TTC27: variants seen among roughly 807,000 people sequenced by gnomAD.
TTC27 encodes tetratricopeptide repeat protein 27.
TTC27 carries 79 observed loss-of-function variants against 115.9 expected under a neutral mutation model. The ratio of observed to expected loss-of-function variants is 0.68; its 90% CI spans 0.57 to 0.82. TTC27 has a LOEUF of 0.82. TTC27 is among the 40% of genes least tolerant of loss of function. The pLI is 0.00. For synonymous variants in TTC27, 401 were observed against 356.0 expected, an observed-to-expected ratio of 1.13 and a Z score of -1.42; for missense variants, 1,054 against 993.1, an observed-to-expected ratio of 1.06 and a Z score of -0.82.
intron 10 of TTC27, among the ~76,000 whole-genome samples, chr2:32,724,105 T>G (rs776619521): frequency 6.6e-6 from 1 of 152,008 alleles, no homozygotes; most frequent in Non-Finnish European, 1.5e-5. Flanking sequence ...GACTTGTGCT[T>G]TCATTAAGAC....
At position 32,699,348 on chromosome 2, in the gene TTC27, A is replaced by G. The variant is rs1053932095; in HGVS notation, c.1120-3459A>G. On this transcript the variant is annotated intron_variant, in intron 9 of 19. Coordinates refer to ENST00000317907, the MANE Select transcript of TTC27 (RefSeq NM_017735.5). ...TGGGGTGATCACTTCTCAAGTTCTA[A>G]ATGGAATGGAATTAAGAGCAGTAAC... Among the ~76,000 whole-genome samples the G allele has an allele frequency of 2.1e-4, 32 of 152,318 alleles. 2 individuals carry two copies. Among genetic ancestry groups the G allele is most frequent in the Middle Eastern group, 3.4e-3 (1 of 294 alleles).
chr2:32,780,849 TG>T (rs1270500688), intron 14 of TTC27, among the ~76,000 whole-genome samples: 2 of 87,570 alleles, frequency 2.3e-5, no homozygotes, highest in Admixed American at 2.1e-4. Context: ...TTCTAGTAGG[TG>T]TTTTTTTTTT....
chr2:32,792,998 A>G (rs1319776488), intron 16 of TTC27, among the ~76,000 whole-genome samples: 1 of 152,174 alleles, frequency 6.6e-6, no homozygotes, highest in Non-Finnish European at 1.5e-5. Flanking sequence ...GGAGGTGAGA[A>G]ATAGGGTTGG....
intron 10 of TTC27, among the ~76,000 whole-genome samples, chr2:32,731,250 G>A (rs1156493199): frequency 1.3e-5 from 2 of 151,816 alleles, no homozygotes; most frequent in African/African-American, 2.4e-5. Flanking sequence ...CACCATGCCC[G>A]GCTAATTTTT....
At chr2:32,673,487 A>G (rs901931700) in intron 8 of TTC27, among the ~76,000 whole-genome samples, 1 of 151,922 alleles carries the variant, frequency 6.6e-6, no homozygotes, top group African/African-American at 2.4e-5. Context: ...TCGGCCTCCC[A>G]GAGTGCTGGG....
chr2:32,787,700 A>G (rs1426309248), intron 16 of TTC27, among the ~76,000 whole-genome samples: 1 of 152,150 alleles, frequency 6.6e-6, no homozygotes, highest in East Asian at 1.9e-4. Context: ...AAAAAAGACC[A>G]TTTTGGTTTA....
intron 10 of TTC27, among the ~76,000 whole-genome samples, chr2:32,717,081 A>G (rs1667778242): frequency 6.6e-6 from 1 of 150,908 alleles, no homozygotes; most frequent in Non-Finnish European, 1.5e-5. Flanking sequence ...ACAGCTCACT[A>G]CAATCTTGAA....
intron 13 of TTC27, among the ~76,000 whole-genome samples, chr2:32,763,719 C>G (rs1669524442): frequency 6.6e-6 from 1 of 152,212 alleles, no homozygotes; most frequent in Non-Finnish European, 1.5e-5. Flanking sequence ...ATGGTGCATT[C>G]ATTAGAGAAC....
chr2:32,804,906 TA>T (rs201916441), intron 16 of TTC27, among the ~76,000 whole-genome samples: 1 of 151,516 alleles, frequency 6.6e-6, no homozygotes, highest in East Asian at 1.9e-4. Context: ...ATTCTAATTT[TA>T]AAAAAAAATT....
chr2:32,732,114 C>G (rs1354048938), intron 10 of TTC27, among the ~76,000 whole-genome samples: 4 of 152,050 alleles, frequency 2.6e-5, no homozygotes, highest in Non-Finnish European at 4.4e-5. Context: ...GTAATTTGTT[C>G]TCCTTTTATG....
At chr2:32,790,386 A>T (rs893096824) in intron 16 of TTC27, among the ~76,000 whole-genome samples, 10 of 152,064 alleles carry the variant, frequency 6.6e-5, no homozygotes, top group Admixed American at 6.6e-4. Flanking sequence ...ATGAGTAGAT[A>T]TACTACCTTT....
chr2:32,712,985 GA>G (rs1330640636), intron 10 of TTC27, among the ~76,000 whole-genome samples: 1 of 152,106 alleles, frequency 6.6e-6, no homozygotes, highest in Non-Finnish European at 1.5e-5. Flanking sequence ...GCACCTTTAA[GA>G]GGTGATTAGG....
At chr2:32,714,559 CAT>C (rs1667694588) in intron 10 of TTC27, among the ~76,000 whole-genome samples, 1 of 152,154 alleles carries the variant, frequency 6.6e-6, no homozygotes, top group Admixed American at 6.5e-5. Flanking sequence ...CATACACACA[CAT>C]GTGTCTTTAT....
At chr2:32,632,119 A>G (rs140737472) in intron 2 of TTC27, among the ~76,000 whole-genome samples, 1 of 140,666 alleles carries the variant, frequency 7.1e-6, no homozygotes, top group Non-Finnish European at 1.6e-5. Flanking sequence ...CCTCCATTTA[A>G]TTTTTTTTAG....
intron 5 of TTC27, among the ~76,000 whole-genome samples, chr2:32,658,592 A>G (rs1479309849): frequency 2.0e-5 from 3 of 152,214 alleles, no homozygotes; most frequent in African/African-American, 7.2e-5. Context: ...TTTGTGTTCC[A>G]TTCATTCATT....
chr2:32,727,749 T>G (rs1412829113), intron 10 of TTC27, among the ~76,000 whole-genome samples: 1 of 152,182 alleles, frequency 6.6e-6, no homozygotes, highest in Non-Finnish European at 1.5e-5. Flanking sequence ...TTGTTTTGTT[T>G]TGTTTTGGAA....
At chr2:32,698,334 G>C (rs989961893) in intron 9 of TTC27, among the ~76,000 whole-genome samples, 61 of 151,838 alleles carry the variant, frequency 4.0e-4, no homozygotes, top group African/African-American at 1.5e-3. Flanking sequence ...GGCTTGCTAT[G>C]CTGCCCAGAC....
intron 13 of TTC27, among the ~76,000 whole-genome samples, chr2:32,770,607 C>T (rs1189872492): frequency 6.6e-6 from 1 of 152,184 alleles, no homozygotes; most frequent in Non-Finnish European, 1.5e-5. Flanking sequence ...AACCATCCAG[C>T]ACATGTTAGG....
chr2:32,820,001 T>C (rs921081924), intron 19 of TTC27, among the ~76,000 whole-genome samples: 2 of 152,280 alleles, frequency 1.3e-5, no homozygotes, highest in African/African-American at 4.8e-5. Flanking sequence ...AGGTGTTTTC[T>C]CTGCTGATGA....
Sources: gnomAD v4.1 joint callset for allele counts (sites outside exome capture counted in the v4.1 genomes callset) on GRCh38, gnomAD v4.1.1 for gene constraint, MANE v1.5 for transcripts, NCBI Gene and HGNC (gene_info 2026-07-23, HGNC 2026-07-21) for gene names.